The following FHIT variants were observed in gnomAD, a reference collection of about 807,000 sequenced individuals.
The protein encoded by FHIT is bis(5'-adenosyl)-triphosphatase.
Under a neutral mutation model 17.9 loss-of-function variants are expected in FHIT, and 19 were observed. That is an observed-to-expected ratio of 1.06 (90% CI 0.74 to 1.56). FHIT has a LOEUF of 1.56. FHIT is among the 40% of genes most tolerant of loss of function. The pLI is 0.00. For missense variants in FHIT, 248 were observed against 189.2 expected, an observed-to-expected ratio of 1.31 and a Z score of -1.82; for synonymous variants, 81 against 69.7, an observed-to-expected ratio of 1.16 and a Z score of -0.81.
intron 3 of FHIT, among the ~76,000 whole-genome samples, chr3:60,989,730 T>C (rs2030014253): frequency 6.6e-6 from 1 of 152,226 alleles, no homozygotes; most frequent in African/African-American, 2.4e-5. Context: ...TCTTTTATGT[T>C]TCCCTTTGAT....
At chr3:61,009,142 C>T (rs543709633) in intron 3 of FHIT, among the ~76,000 whole-genome samples, 9 of 152,266 alleles carry the variant, frequency 5.9e-5, no homozygotes, top group African/African-American at 2.2e-4. Context: ...TCAGACAAAA[C>T]ATAAACTCTG....
intron 4 of FHIT, among the ~76,000 whole-genome samples, chr3:60,785,934 C>CACACACACACACACACACACAG (rs139392863): frequency 7.3e-5 from 10 of 137,888 alleles, no homozygotes; most frequent in African/African-American, 2.4e-4. Flanking sequence ...CACACACACA[C>CACACACACACACACACACACAG]AGAGAGAGTA....
At chr3:60,187,345 G>C (rs185428213) in intron 5 of FHIT, among the ~76,000 whole-genome samples, 9 of 152,282 alleles carry the variant, frequency 5.9e-5, no homozygotes, top group South Asian at 2.1e-4. Flanking sequence ...AAGTGGATGA[G>C]GCTGAAGTTT....
chr3:60,967,862 G>T (rs991766618), intron 3 of FHIT, among the ~76,000 whole-genome samples: 4 of 152,164 alleles, frequency 2.6e-5, no homozygotes, highest in African/African-American at 9.7e-5. Context: ...GATATTGTAA[G>T]AGGGCTCAGC....
At chr3:60,657,389 C>T (rs1553689901) in intron 4 of FHIT, among the ~76,000 whole-genome samples, 1 of 152,196 alleles carries the variant, frequency 6.6e-6, no homozygotes. Flanking sequence ...TTGGGAAACA[C>T]TGACCTCAAA....
At chr3:60,766,391 ATC>A (rs1699856431) in intron 4 of FHIT, among the ~76,000 whole-genome samples, 1 of 152,080 alleles carries the variant, frequency 6.6e-6, no homozygotes, top group Non-Finnish European at 1.5e-5. Flanking sequence ...TACTGTCTCC[ATC>A]TCTCCACTCT....
chr3:60,147,643 G>C (rs938073457), intron 5 of FHIT, among the ~76,000 whole-genome samples: 27 of 152,226 alleles, frequency 1.8e-4, no homozygotes, highest in African/African-American at 5.8e-4. Context: ...AATAACAAAA[G>C]AGTAAGTAAA....
chr3:61,154,528 C>A (rs1291746940), intron 2 of FHIT, among the ~76,000 whole-genome samples: 1 of 152,132 alleles, frequency 6.6e-6, no homozygotes, highest in Non-Finnish European at 1.5e-5. Context: ...ACCTGCAATG[C>A]ATTTGCTACC....
intron 7 of FHIT, among the ~76,000 whole-genome samples, chr3:59,977,717 T>G (rs1018313155): frequency 6.6e-6 from 1 of 152,128 alleles, no homozygotes; most frequent in Non-Finnish European, 1.5e-5. Context: ...GCAAAGAGAT[T>G]CTCTCATGCC....
At chr3:60,601,431 T>A (rs2038443020) in intron 4 of FHIT, among the ~76,000 whole-genome samples, 1 of 152,072 alleles carries the variant, frequency 6.6e-6, no homozygotes, top group African/African-American at 2.4e-5. Flanking sequence ...ATTCTGAAAA[T>A]CAGTCATCTT....
chr3:60,319,436 T>G (rs1709316388), intron 5 of FHIT, among the ~76,000 whole-genome samples: 2 of 150,006 alleles, frequency 1.3e-5, no homozygotes, highest in Non-Finnish European at 3.0e-5. Flanking sequence ...TCTGACAGGG[T>G]GATGTTTTTA....
chr3:59,755,140 C>CTATCAACAGTACTACT (rs6147838), intron 8 of FHIT, among the ~76,000 whole-genome samples: 31,587 of 151,936 alleles, frequency 0.21, 3,564 homozygotes, highest in South Asian at 0.31. Flanking sequence ...GCTTGTGATC[C>CTATCAACAGTACTACT]TATCAACAGT....
At chr3:61,239,847 C>T (rs1471043471) in intron 1 of FHIT, among the ~76,000 whole-genome samples, 1 of 145,940 alleles carries the variant, frequency 6.9e-6, no homozygotes, top group African/African-American at 2.6e-5. Context: ...GTAGAAGCCA[C>T]AAAAATCTGA....
chr3:60,607,199 C>A (rs988017312), intron 4 of FHIT, among the ~76,000 whole-genome samples: 1 of 152,030 alleles, frequency 6.6e-6, no homozygotes, highest in Non-Finnish European at 1.5e-5. Context: ...AAGCCCTTCT[C>A]CCAGCTGAAA....
intron 9 of FHIT, chr3:59,750,699 G>T (rs1182138597): frequency 4.6e-6 from 1 of 217,164 alleles, no homozygotes; most frequent in Non-Finnish European, 9.3e-6. Flanking sequence ...AACAATAGGG[G>T]GCAAGGTAGT....
In FHIT at chr3:60,011,363, G is replaced by A. The variant is rs760289628; in HGVS notation, c.279+8C>T. ...TTATTAATTTGTATGCACATAATAA[G>A]CACTCACCTTCACAGTCTGTCCGGC... On this transcript the variant is annotated splice_region_variant and intron_variant, in intron 7 of 9. Coordinates refer to ENST00000492590, the MANE Select transcript of FHIT (RefSeq NM_002012.4). 20 of 1,613,398 alleles carry A rather than the reference G, an allele frequency of 1.2e-5. No individual in the cohort carries two copies. Among genetic ancestry groups the A allele is most frequent in the Non-Finnish European group, 1.6e-5 (19 of 1,179,422 alleles).
At chr3:60,113,773 G>A (rs1166041940) in intron 5 of FHIT, among the ~76,000 whole-genome samples, 5 of 150,542 alleles carry the variant, frequency 3.3e-5, no homozygotes, top group Admixed American at 6.6e-5. Context: ...AGGCCGAGGC[G>A]AGCGGATCAC....
chr3:60,056,164 T>C (rs963116726), intron 5 of FHIT, among the ~76,000 whole-genome samples: 2 of 152,114 alleles, frequency 1.3e-5, no homozygotes, highest in Non-Finnish European at 2.9e-5. Flanking sequence ...AGGGCAGGGG[T>C]TCAGTGTACA....
At chr3:60,399,581 C>G (rs547421506) in intron 5 of FHIT, among the ~76,000 whole-genome samples, 1 of 152,192 alleles carries the variant, frequency 6.6e-6, no homozygotes, top group Non-Finnish European at 1.5e-5. Flanking sequence ...ATCACATACA[C>G]AATGAAGCAA....
Sources: allele counts gnomAD v4.1 joint callset (sites outside exome capture counted in the v4.1 genomes callset), GRCh38; gene constraint gnomAD v4.1.1; transcripts MANE v1.5; gene names NCBI Gene and HGNC (gene_info 2026-07-23, HGNC 2026-07-21).